Variants in CDH23 observed in about 807,000 individuals in gnomAD.
CDH23 encodes cadherin related 23, also known as cadherin-23.
Under a neutral mutation model 317.1 loss-of-function variants are expected in CDH23, and 189 were observed. That is an observed-to-expected ratio of 0.60 (90% confidence interval 0.53 to 0.67). The LOEUF is 0.67. Among genes scored for constraint, CDH23 ranks in the 30% least tolerant of loss-of-function variants. CDH23 has a pLI of 0.00. For synonymous variants in CDH23, 1,839 were observed against 1,876.8 expected, an observed-to-expected ratio of 0.98 and a Z score of 0.52; for missense variants, 4,401 against 4,592.4, an observed-to-expected ratio of 0.96 and a Z score of 1.20.
chr10:71,453,910 T>C (rs532360633), intron 3 of CDH23, among the ~76,000 whole-genome samples: 2 of 152,198 alleles, frequency 1.3e-5, no homozygotes, highest in East Asian at 3.9e-4. Context: ...AGAGGTGGTA[T>C]AGCCTGATAG....
Position 71,788,990 on chromosome 10 carries a change from C to T in CDH23, c.5871C>T (p.Pro1957=), listed in dbSNP as rs368122233. 1 of 1,606,688 alleles carries T rather than the reference C, an allele frequency of 6.2e-7. No homozygotes were observed. The highest frequency in any genetic ancestry group is 1.1e-5 in the South Asian group (1 of 90,920). ...TTTCTGATGAGAATGACAACCACCC[C>T]CTCTTCACTAAAAGCACCTACCAGG... ...IFLSDENDNH[P]LFTKSTYQAE... The change falls in exon 45 of 70, where the codon CCC becomes CCT. Residue 1957 remains proline (P), a synonymous_variant. Coordinates refer to ENST00000224721, the MANE Select transcript of CDH23 (RefSeq NM_022124.6).
rs143683869 is a variant in CDH23, at chr10:71,753,298, C to T, written c.4845+11377C>T. 8.0e-4 allele frequency among the ~76,000 whole-genome samples: 122 copies of T among 152,368 alleles called. 1 individual carries two copies. Among genetic ancestry groups the T allele is most frequent in the Middle Eastern group, 3.4e-3 (1 of 294 alleles). On this transcript the variant is annotated intron_variant, in intron 38 of 69. Transcript: ENST00000224721. ...CCATCAGGAGACCAAAGGCAGCCAGCGCTTTCTCCTATGGCTTGACTTACA... is the reference window on the plus strand; with the variant it reads ...CCATCAGGAGACCAAAGGCAGCCAGTGCTTTCTCCTATGGCTTGACTTACA...
chr10:71,802,800 C>A, intron 53 of CDH23, 98 bp from the exon 54 acceptor site: 1 of 1,308,278 alleles, frequency 7.6e-7, no homozygotes, highest in Non-Finnish European at 1.1e-6. Flanking sequence ...AGGCTGGTGC[C>A]TGTCCTTCCT....
In CDH23 at chr10:71,453,907, G is replaced by C. The variant is rs147517589; in HGVS notation, c.145+7512G>C. Among the ~76,000 whole-genome samples, 726 of 152,298 alleles carry C rather than the reference G, an allele frequency of 4.8e-3. 5 individuals are homozygous for C. Among genetic ancestry groups the C allele is most frequent in the African/African-American group, 0.017 (691 of 41,560 alleles). ...TCTGCCCACCGTGTTCACAGAGGTG[G>C]TATAGCCTGATAGATATCAGCTCTA... On this transcript the variant is annotated intron_variant, in intron 3 of 69. Coordinates refer to ENST00000224721, the MANE Select transcript of CDH23 (RefSeq NM_022124.6).
chr10:71,419,733 G>A (rs1848669585), intron 1 of CDH23, among the ~76,000 whole-genome samples: 1 of 152,132 alleles, frequency 6.6e-6, no homozygotes, highest in South Asian at 2.1e-4. Flanking sequence ...AGAGTTACTG[G>A]TGAACAGCAG....
rs1554837505 is a variant in CDH23 at position 71,550,579 on chromosome 10, A to AAAG, written c.430-16161_430-16160insGAA. ...TGTCTCAAAAAAAAAAAAAAAAAAG[A>AAAG]AAAAAGAAAAAGAAAGAAAGAAAGA... is the stretch of plus-strand genomic sequence containing the variant. On this transcript the variant is annotated intron_variant, in intron 6 of 69. Transcript: ENST00000224721. 4.0e-3 allele frequency among the ~76,000 whole-genome samples: 489 copies of AAAG among 121,158 alleles called. 19 individuals are homozygous for AAAG. The highest frequency in any genetic ancestry group is 0.01 in the African/African-American group (329 of 32,678). The allele number at this position is 121,158 out of a possible 152,430, so 79.5% of individuals were successfully genotyped here. A position where few individuals can be genotyped will look rare whatever the true frequency, so the allele number is the denominator to read the frequency against.
At chr10:71,508,788 A>C (rs945968791) in intron 3 of CDH23, among the ~76,000 whole-genome samples, 1 of 152,226 alleles carries the variant, frequency 6.6e-6, no homozygotes, top group African/African-American at 2.4e-5. Context: ...GGAAGACTAT[A>C]GACATTGTCT....
intron 6 of CDH23, among the ~76,000 whole-genome samples, chr10:71,532,707 T>G (rs1475391749): frequency 1.3e-5 from 1 of 74,516 alleles, no homozygotes; most frequent in African/African-American, 5.3e-5. Context: ...TTTCTTTTGT[T>G]TTTGTTTTTT....
At chr10:71,655,539 G>A (rs1046675760) in intron 14 of CDH23, among the ~76,000 whole-genome samples, 24 of 152,034 alleles carry the variant, frequency 1.6e-4, no homozygotes, top group Non-Finnish European at 3.4e-4. Flanking sequence ...CTCTTCTCTG[G>A]GGCCCCAGCA....
intron 34 of CDH23, among the ~76,000 whole-genome samples, chr10:71,736,477 T>C (rs1460144577): frequency 6.6e-6 from 1 of 152,202 alleles, no homozygotes; most frequent in African/African-American, 2.4e-5. Flanking sequence ...GGGTAGGGCA[T>C]GGCTCTGCTA....
intron 6 of CDH23, among the ~76,000 whole-genome samples, chr10:71,519,693 A>C (rs903222225): frequency 3.3e-5 from 5 of 152,222 alleles, no homozygotes; most frequent in African/African-American, 1.2e-4. Flanking sequence ...CTGAGTTGTG[A>C]AAGTTTAATG....
At chr10:71,652,118 A>G (rs1863203631) in intron 14 of CDH23, among the ~76,000 whole-genome samples, 1 of 152,180 alleles carries the variant, frequency 6.6e-6, no homozygotes. Context: ...CTGACTGGGC[A>G]GGTGTGGGGC....
At chr10:71,618,909 G>A (rs764926540) in intron 11 of CDH23, among the ~76,000 whole-genome samples, 1 of 152,180 alleles carries the variant, frequency 6.6e-6, no homozygotes, top group Non-Finnish European at 1.5e-5. Context: ...CTATCTGTCT[G>A]AGATAACTAA....
At chr10:71,598,787 C>T (rs1019473292) in intron 9 of CDH23, among the ~76,000 whole-genome samples, 1 of 152,278 alleles carries the variant, frequency 6.6e-6, no homozygotes, top group Admixed American at 6.5e-5. Context: ...CTCGCTTGCT[C>T]AGCAGAAGTT....
chr10:71,734,381 A>G (rs758946050), intron 33 of CDH23, 40 bp downstream of exon 33: 15 of 1,563,242 alleles, frequency 9.6e-6, no homozygotes, highest in Admixed American at 1.9e-5. Context: ...GGTGCGGCCC[A>G]TCGCTGGCCA....
intron 28 of CDH23, chr10:71,716,622 G>A (rs909884840): frequency 1.7e-5 from 6 of 351,948 alleles, no homozygotes; most frequent in East Asian, 4.4e-5. Context: ...TGGCCTGTCC[G>A]CATTTTCAAA....
intron 2 of CDH23, among the ~76,000 whole-genome samples, chr10:71,440,862 G>C (rs766809244): frequency 5.3e-5 from 8 of 152,184 alleles, no homozygotes; most frequent in Non-Finnish European, 1.2e-4. Context: ...ACACATTCCT[G>C]TGGGGGGCCA....
intron 30 of CDH23, among the ~76,000 whole-genome samples, chr10:71,729,941 T>A (rs112401956): frequency 2.6e-5 from 4 of 152,012 alleles, no homozygotes; most frequent in African/African-American, 9.7e-5. Context: ...TTCACACCAT[T>A]CTCCTCCCTC....
intron 3 of CDH23, among the ~76,000 whole-genome samples, chr10:71,497,321 C>A (rs985629538): frequency 5.9e-5 from 9 of 152,112 alleles, no homozygotes; most frequent in Admixed American, 5.2e-4. Context: ...AAAAAACACA[C>A]CCACCCCACT....
Sources: allele counts gnomAD v4.1 joint callset (sites outside exome capture counted in the v4.1 genomes callset), GRCh38; gene constraint gnomAD v4.1.1; transcripts MANE v1.5; gene names NCBI Gene and HGNC (gene_info 2026-07-23, HGNC 2026-07-21).